Variants in SLC8A1 observed in about 807,000 individuals in gnomAD.
SLC8A1 encodes sodium/calcium exchanger 1.
In SLC8A1, 18 loss-of-function variants were observed where a neutral mutation model predicts 68.3. The observed-to-expected ratio is 0.26, with a 90% CI of 0.18 to 0.39. The LOEUF (loss-of-function observed/expected upper bound fraction) is 0.39. Among genes scored for constraint, SLC8A1 ranks in the 10% least tolerant of loss-of-function variants. The probability of loss-of-function intolerance (pLI) is 1.00; values close to 1 mark genes in which losing one functional copy is unlikely to be tolerated. For synonymous variants in SLC8A1, 475 were observed against 415.5 expected (o/e 1.14, Z -1.74); for missense variants, 985 against 1,156.7 (o/e 0.85, Z 2.15).
intron 2 of SLC8A1, among the ~76,000 whole-genome samples, chr2:40,420,963 T>A (rs1695339922): frequency 6.6e-6 from 1 of 152,182 alleles, no homozygotes; most frequent in African/African-American, 2.4e-5. Context: ...AAAATGAGTC[T>A]AATAAGAGTA....
intron 6 of SLC8A1, among the ~76,000 whole-genome samples, chr2:40,154,178 T>G (rs1216313182): frequency 6.6e-6 from 1 of 151,912 alleles, no homozygotes; most frequent in Non-Finnish European, 1.5e-5. Flanking sequence ...AAAAATGACA[T>G]AGCTCAGAAT....
intron 1 of SLC8A1, among the ~76,000 whole-genome samples, chr2:40,498,838 G>A (rs1291724445): frequency 2.0e-5 from 3 of 152,024 alleles, no homozygotes; most frequent in African/African-American, 7.2e-5. Flanking sequence ...CTTAATAGAG[G>A]AAATTTAATA....
chr2:40,198,692 G>A (rs2053557999), intron 2 of SLC8A1, among the ~76,000 whole-genome samples: 1 of 151,904 alleles, frequency 6.6e-6, no homozygotes, highest in Non-Finnish European at 1.5e-5. Context: ...TGTTTGGAAT[G>A]CATGGTTTGA....
At chr2:40,237,236 G>T (rs1376104273) in intron 2 of SLC8A1, among the ~76,000 whole-genome samples, 2 of 152,144 alleles carry the variant, frequency 1.3e-5, no homozygotes, top group Non-Finnish European at 2.9e-5. Context: ...TCGCTTTCAG[G>T]TACACCAATC....
upstream of SLC8A1, among the ~76,000 whole-genome samples, chr2:40,455,714 G>T (rs1174307914): frequency 2.0e-5 from 3 of 152,190 alleles, no homozygotes; most frequent in African/African-American, 4.8e-5. Context: ...ATGACTTTGA[G>T]AATTCTTTGT....
intron 2 of SLC8A1, among the ~76,000 whole-genome samples, chr2:40,333,194 T>A (rs1285828397): frequency 6.6e-6 from 1 of 152,170 alleles, no homozygotes; most frequent in Non-Finnish European, 1.5e-5. Flanking sequence ...ATCCCAGCAC[T>A]TTGGGAGGCC....
chr2:40,463,562 G>T, intron 1 of SLC8A1, among the ~76,000 whole-genome samples: 1 of 151,906 alleles, frequency 6.6e-6, no homozygotes, highest in Non-Finnish European at 1.5e-5. Flanking sequence ...TAATTATTAA[G>T]GGGAGAATTG....
chr2:40,154,277 T>A (rs931325516), intron 6 of SLC8A1, among the ~76,000 whole-genome samples: 1 of 150,482 alleles, frequency 6.6e-6, no homozygotes. Context: ...GGGCCACAAT[T>A]TTTAATTTAT....
intron 2 of SLC8A1, among the ~76,000 whole-genome samples, chr2:40,211,452 A>G (rs545094943): frequency 6.6e-6 from 1 of 152,350 alleles, no homozygotes; most frequent in South Asian, 2.1e-4. Context: ...AAAGTCATCA[A>G]TGCTGAAGTG....
At chr2:40,157,664 C>T (rs973373738) in intron 6 of SLC8A1, among the ~76,000 whole-genome samples, 2 of 152,120 alleles carry the variant, frequency 1.3e-5, no homozygotes, top group Admixed American at 6.5e-5. Context: ...TCAAACTGGA[C>T]AGGGAATGCT....
intron 1 of SLC8A1, among the ~76,000 whole-genome samples, chr2:40,497,685 A>G (rs1705797948): frequency 1.3e-5 from 2 of 152,074 alleles, no homozygotes; most frequent in Non-Finnish European, 2.9e-5. Flanking sequence ...AATAACTGGG[A>G]CAAAGGGTGC....
At chr2:40,236,796 G>A (rs1470345149) in intron 2 of SLC8A1, among the ~76,000 whole-genome samples, 2 of 151,188 alleles carry the variant, frequency 1.3e-5, no homozygotes, top group East Asian at 1.9e-4. Context: ...GGCAGGCCTG[G>A]TGGTGACAAA....
chr2:40,256,338 T>A (rs2063917427), intron 2 of SLC8A1, among the ~76,000 whole-genome samples: 1 of 152,174 alleles, frequency 6.6e-6, no homozygotes, highest in African/African-American at 2.4e-5. Context: ...CTAATGTGTT[T>A]TAAGACCAAG....
chr2:40,357,312 T>G (rs1322756910), intron 2 of SLC8A1, among the ~76,000 whole-genome samples: 1 of 151,660 alleles, frequency 6.6e-6, no homozygotes, highest in Non-Finnish European at 1.5e-5. Context: ...GGCAACATAG[T>G]GAGACCCTGT....
chr2:40,207,986 C>T (rs537919498), intron 2 of SLC8A1, among the ~76,000 whole-genome samples: 1 of 152,206 alleles, frequency 6.6e-6, no homozygotes, highest in South Asian at 2.1e-4. Context: ...TGAACCAGAC[C>T]TCCTTCACAG....
chr2:40,297,073 T>A (rs1196249678), intron 2 of SLC8A1, among the ~76,000 whole-genome samples: 3 of 152,142 alleles, frequency 2.0e-5, no homozygotes, highest in Non-Finnish European at 4.4e-5. Flanking sequence ...TGAAGGCACA[T>A]GATACTCATG....
At chr2:40,324,180 G>A (rs1355402041) in intron 2 of SLC8A1, among the ~76,000 whole-genome samples, 2 of 151,878 alleles carry the variant, frequency 1.3e-5, no homozygotes, top group African/African-American at 2.4e-5. Flanking sequence ...ATATGATGAG[G>A]TAAAAGGAAT....
At chr2:40,220,394 T>C (rs2058148650) in intron 2 of SLC8A1, 1 of 152,196 alleles carries the variant, frequency 6.6e-6, no homozygotes, top group Non-Finnish European at 1.5e-5. Flanking sequence ...TAGTGAGTCA[T>C]GTTTAAGCTC....
intron 2 of SLC8A1, among the ~76,000 whole-genome samples, chr2:40,368,022 A>G (rs918908424): frequency 6.6e-6 from 1 of 152,096 alleles, no homozygotes; most frequent in African/African-American, 2.4e-5. Flanking sequence ...CCTGTTAACA[A>G]CATGTTGAAT....
Sources: gnomAD v4.1 joint callset for allele counts (sites outside exome capture counted in the v4.1 genomes callset) on GRCh38, gnomAD v4.1.1 for gene constraint, MANE v1.5 for transcripts, NCBI Gene and HGNC (gene_info 2026-07-23, HGNC 2026-07-21) for gene names.